UTRN: variants seen among roughly 807,000 people sequenced by gnomAD.
UTRN encodes the protein dystrophin-related protein 1.
UTRN carries 283 observed loss-of-function variants against 463.9 expected under a neutral mutation model. The ratio of observed to expected loss-of-function variants is 0.61; its 90% CI spans 0.55 to 0.67. The LOEUF (loss-of-function observed/expected upper bound fraction) is 0.67, where lower values mean the gene tolerates loss of function less well. Ranked by LOEUF, UTRN falls within the 30% of genes least tolerant of loss-of-function variation. The pLI is 0.00. For missense variants in UTRN, 3,922 were observed against 4,084.3 expected, an observed-to-expected ratio of 0.96 and a Z score of 1.08; for synonymous variants, 1,442 against 1,431.5, an observed-to-expected ratio of 1.01 and a Z score of -0.17.
At position 144,824,593 on chromosome 6, in the gene UTRN, TATATATATATATATATATATC is replaced by T. The variant is rs1562954875; in HGVS notation, c.9495-2754_9495-2734del. On this transcript the variant is annotated intron_variant, in intron 66 of 74. Coordinates refer to ENST00000367545, the MANE Select transcript of UTRN (RefSeq NM_007124.3). ...TTATTTATATATATATATATATATA[TATATATATATATATATATATC>T]TTTTTTTTTTTTTTTTTTTTTTTGA... Among the ~76,000 whole-genome samples the T allele has an allele frequency of 3.8e-4, 22 of 57,668 alleles. 2 individuals carry two copies. The highest frequency in any genetic ancestry group is 3.1e-3 in the East Asian group (4 of 1,304). 37.8% of individuals were successfully genotyped at this position (57,668 alleles called of 152,430 possible).
chr6:144,845,128 G>A (rs1160173889), intron 73 of UTRN, among the ~76,000 whole-genome samples: 2 of 152,100 alleles, frequency 1.3e-5, no homozygotes, highest in African/African-American at 4.8e-5. Flanking sequence ...GCCTTTTAAA[G>A]TCTTTTTAAA....
Position 144,490,818 on chromosome 6 carries a change from T to A in UTRN, c.4264-111T>A, listed in dbSNP as rs548023442. On this transcript the variant is annotated intron_variant, in intron 31 of 74. Transcript: ENST00000367545. ...TTTTATTTTGGGTCATATTTCTGAA[T>A]TTTTTTCTTTTGGTACTTTATGGTA... The A allele has an allele frequency of 8.8e-6, 11 of 1,254,832 alleles. No individual in the cohort carries two copies. In the South Asian group the frequency reaches 1.8e-4, roughly 20 times the overall value. 77.7% of individuals were successfully genotyped at this position (1,254,832 alleles called of 1,614,324 possible). A position where few individuals can be genotyped will look rare whatever the true frequency, so the allele number is the denominator to read the frequency against.
chr6:144,474,836 A>G (rs1488111046), intron 25 of UTRN, 77 bp downstream of exon 25: 4 of 1,499,838 alleles, frequency 2.7e-6, no homozygotes, highest in Non-Finnish European at 3.6e-6. Context: ...TAAATGTATT[A>G]TGACCCATCC....
In UTRN at chr6:144,554,832, G is replaced by A. The variant is rs779151170; in HGVS notation, c.7073G>A (p.Arg2358Gln). 18 of 1,613,868 alleles carry A rather than the reference G, an allele frequency of 1.1e-5. No individual in the cohort carries two copies. The highest frequency in any genetic ancestry group is 1.1e-4 in the East Asian group (5 of 44,830). ...TEELMRKYEA[R>Q]LYILQQARRD... ...GAACTGATGAGAAAATATGAGGCTC[G>A]ACTCTATATTCTTCAGCAAGCCCGA... is the stretch of plus-strand genomic sequence containing the variant. The change falls in exon 49 of 75, where the codon CGA becomes CAA. Residue 2358 changes from arginine to glutamine, a missense_variant. Around this residue, in one of 3 missense-constraint regions of UTRN, gnomAD observed 1,309 missense variants for 1,452.6 expected, o/e 0.90. Coordinates refer to ENST00000367545, the MANE Select transcript of UTRN (RefSeq NM_007124.3).
chr6:144,807,559 C>T (rs1778252521), intron 65 of UTRN, among the ~76,000 whole-genome samples: 1 of 152,058 alleles, frequency 6.6e-6, no homozygotes, highest in South Asian at 2.1e-4. Context: ...GACAGCATGA[C>T]ACAGATGATA....
intron 25 of UTRN, among the ~76,000 whole-genome samples, chr6:144,477,870 T>TCTAC (rs57502849): frequency 3.2e-5 from 1 of 31,090 alleles, no homozygotes; most frequent in Non-Finnish European, 6.1e-5. Flanking sequence ...AGTTTGTATC[T>TCTAC]CTATCTATCT....
chr6:144,449,864 A>G (rs1406630308), intron 17 of UTRN, among the ~76,000 whole-genome samples: 1 of 152,178 alleles, frequency 6.6e-6, no homozygotes, highest in Non-Finnish European at 1.5e-5. Context: ...GTGACATGGG[A>G]CAGTTACTGA....
At chr6:144,385,305 AAT>A (rs1206617618) in intron 2 of UTRN, among the ~76,000 whole-genome samples, 2 of 152,192 alleles carry the variant, frequency 1.3e-5, no homozygotes, top group Non-Finnish European at 2.9e-5. Context: ...CTCCTACTTA[AAT>A]GATTTAACAG....
At chr6:144,527,079 C>T (rs549978755) in intron 41 of UTRN, among the ~76,000 whole-genome samples, 8 of 152,222 alleles carry the variant, frequency 5.3e-5, no homozygotes, top group African/African-American at 1.7e-4. Flanking sequence ...GGATTACAGA[C>T]GTGAGCCACC....
chr6:144,641,043 A>G (rs1473019968), intron 51 of UTRN, among the ~76,000 whole-genome samples: 1 of 152,196 alleles, frequency 6.6e-6, no homozygotes, highest in Non-Finnish European at 1.5e-5. Context: ...ACCAATGATA[A>G]TAACTCTGAA....
intron 51 of UTRN, among the ~76,000 whole-genome samples, chr6:144,630,991 T>G (rs1332536092): frequency 6.6e-6 from 1 of 152,194 alleles, no homozygotes; most frequent in East Asian, 1.9e-4. Context: ...TGCTTTGCCT[T>G]CCCTTCATAC....
chr6:144,685,975 C>CA (rs1358353680), intron 52 of UTRN, among the ~76,000 whole-genome samples: 6 of 152,106 alleles, frequency 3.9e-5, no homozygotes, highest in African/African-American at 1.2e-4. Context: ...TTGCCTAGGC[C>CA]AATTTTCAGA....
chr6:144,567,202 A>C (rs1184995799), intron 50 of UTRN, among the ~76,000 whole-genome samples: 1 of 152,126 alleles, frequency 6.6e-6, no homozygotes, highest in Non-Finnish European at 1.5e-5. Context: ...TTCAGTGAAG[A>C]CAAAAAGGGA....
intron 73 of UTRN, among the ~76,000 whole-genome samples, chr6:144,844,922 G>T (rs887935618): frequency 6.6e-6 from 1 of 152,148 alleles, no homozygotes; most frequent in Non-Finnish European, 1.5e-5. Context: ...AATTAGCATG[G>T]CCCCAAATGA....
intron 51 of UTRN, among the ~76,000 whole-genome samples, chr6:144,655,948 G>A (rs1779268310): frequency 6.6e-6 from 1 of 152,038 alleles, no homozygotes; most frequent in Non-Finnish European, 1.5e-5. Flanking sequence ...CTTCATTTTG[G>A]CATTGGAATG....
At chr6:144,698,389 T>A (rs1784231683) in intron 52 of UTRN, among the ~76,000 whole-genome samples, 1 of 152,218 alleles carries the variant, frequency 6.6e-6, no homozygotes, top group Admixed American at 6.5e-5. Flanking sequence ...TTCTCAGAGA[T>A]TTACAAAATG....
intron 53 of UTRN, among the ~76,000 whole-genome samples, chr6:144,722,551 T>C (rs1198036217): frequency 6.6e-6 from 1 of 152,174 alleles, no homozygotes; most frequent in Non-Finnish European, 1.5e-5. Flanking sequence ...CTGTTCTGGC[T>C]TCATGACATG....
chr6:144,576,463 G>A (rs921121647), intron 50 of UTRN, among the ~76,000 whole-genome samples: 4 of 152,066 alleles, frequency 2.6e-5, no homozygotes, highest in Non-Finnish European at 5.9e-5. Context: ...TTTGTCCAAT[G>A]CATTCTAAAT....
rs1461948666 is a variant in UTRN at position 144,428,857 on chromosome 6, A to G, written c.658A>G (p.Thr220Ala). 1 of 1,610,038 alleles carries G rather than the reference A, an allele frequency of 6.2e-7. No individual in the cohort carries two copies. The highest frequency in any genetic ancestry group is 2.2e-5 in the East Asian group (1 of 44,674). ...RLEHAFSKAQ[T>A]YLGIEKLLDP... The stretch of plus-strand genomic sequence containing the variant: ...TGAACATGCCTTCAGCAAGGCTCAA[A>G]CTTATTTGGGAATTGAAAAGCTGTT... The change falls in exon 8 of 75, where the codon ACT becomes GCT. Residue 220 changes from threonine to alanine, a missense_variant. This residue lies in a region of UTRN where 264 missense variants were observed against 327.9 expected (regional missense o/e 0.81). Transcript: ENST00000367545.
Sources: gnomAD v4.1 joint callset for allele counts (sites outside exome capture counted in the v4.1 genomes callset) on GRCh38, gnomAD v4.1.1 for gene constraint, gnomAD v4.1.1 regional missense constraint, MANE v1.5 for transcripts, NCBI Gene and HGNC (gene_info 2026-07-23, HGNC 2026-07-21) for gene names.